ADAM12: variants seen among roughly 807,000 people sequenced by gnomAD.
The protein encoded by ADAM12 is disintegrin and metalloproteinase domain-containing protein 12.
ADAM12 carries 70 observed loss-of-function variants against 106.4 expected under a neutral mutation model. That is an observed-to-expected ratio of 0.66 (90% confidence interval 0.54 to 0.80). The LOEUF (loss-of-function observed/expected upper bound fraction) is 0.80. Among genes scored for constraint, ADAM12 ranks in the 30% least tolerant of loss-of-function variants. The pLI, the probability that ADAM12 is intolerant of heterozygous loss-of-function variation, is 0.00. For synonymous variants in ADAM12, 420 were observed against 433.5 expected (o/e 0.97, Z 0.39); for missense variants, 1,010 against 1,171.9 (o/e 0.86, Z 2.02).
chr10:126,238,015 A>C (rs1212263510), intron 3 of ADAM12, among the ~76,000 whole-genome samples: 4 of 152,244 alleles, frequency 2.6e-5, no homozygotes, highest in Non-Finnish European at 4.4e-5. Flanking sequence ...GGTACGGAAG[A>C]AAACAAAGCA....
intron 21 of ADAM12, among the ~76,000 whole-genome samples, chr10:126,035,302 G>T (rs1954039230): frequency 6.6e-6 from 1 of 152,018 alleles, no homozygotes; most frequent in Non-Finnish European, 1.5e-5. Flanking sequence ...GAATAAAGAG[G>T]TCCCAAGATT....
chr10:126,035,011 T>C (rs987832103), intron 21 of ADAM12, among the ~76,000 whole-genome samples: 1 of 152,086 alleles, frequency 6.6e-6, no homozygotes, highest in African/African-American at 2.4e-5. Context: ...AAGCAAAAAC[T>C]GATGAACTCA....
intron 3 of ADAM12, among the ~76,000 whole-genome samples, chr10:126,199,771 C>T (rs907534888): frequency 6.6e-6 from 1 of 152,160 alleles, no homozygotes; most frequent in Non-Finnish European, 1.5e-5. Context: ...AATAAGGATG[C>T]ATTCTTTTAA....
intron 8 of ADAM12, among the ~76,000 whole-genome samples, chr10:126,101,964 A>G (rs577626801): frequency 3.9e-5 from 6 of 152,256 alleles, no homozygotes; most frequent in South Asian, 2.1e-4. Flanking sequence ...CACCACTGAA[A>G]GCAAGACTTC....
At chr10:126,205,533 G>A (rs959923100) in intron 3 of ADAM12, among the ~76,000 whole-genome samples, 4 of 152,316 alleles carry the variant, frequency 2.6e-5, no homozygotes, top group African/African-American at 9.6e-5. Context: ...CTCAGCCCAT[G>A]CCAGCTCAGG....
intron 3 of ADAM12, among the ~76,000 whole-genome samples, chr10:126,165,245 G>A (rs1011325459): frequency 6.6e-6 from 1 of 152,070 alleles, no homozygotes; most frequent in East Asian, 1.9e-4. Context: ...CCGGCTCACT[G>A]CGACATCTAC....
chr10:126,360,741 C>G (rs1855714259), intron 1 of ADAM12, among the ~76,000 whole-genome samples: 1 of 152,198 alleles, frequency 6.6e-6, no homozygotes, highest in South Asian at 2.1e-4. Flanking sequence ...CAACCTTTGC[C>G]TGTTGCCCAG....
chr10:126,221,451 A>C, intron 3 of ADAM12, among the ~76,000 whole-genome samples: 1 of 152,118 alleles, frequency 6.6e-6, no homozygotes, highest in East Asian at 1.9e-4. Flanking sequence ...GAGGCAAAGT[A>C]CTGTTGACAT....
intron 19 of ADAM12, among the ~76,000 whole-genome samples, chr10:126,039,035 C>CT (rs2133405076): frequency 7.1e-6 from 1 of 141,596 alleles, no homozygotes; most frequent in Non-Finnish European, 1.5e-5. Context: ...TCGCAACTCA[C>CT]TGCAAGCTCC....
intron 11 of ADAM12, among the ~76,000 whole-genome samples, chr10:126,073,404 T>A (rs1955038562): frequency 6.6e-6 from 1 of 152,074 alleles, no homozygotes; most frequent in African/African-American, 2.4e-5. Context: ...TTTTTTTTTT[T>A]AACTTTAATT....
chr10:126,024,572 A>G (rs1953833302), intron 21 of ADAM12, among the ~76,000 whole-genome samples: 1 of 152,156 alleles, frequency 6.6e-6, no homozygotes, highest in Admixed American at 6.5e-5. Flanking sequence ...AACTGTCACA[A>G]AGTCCCAAAA....
intron 3 of ADAM12, among the ~76,000 whole-genome samples, chr10:126,272,629 A>G (rs921866139): frequency 3.0e-4 from 45 of 152,192 alleles, no homozygotes; most frequent in Non-Finnish European, 5.7e-4. Flanking sequence ...ACATTTGTTT[A>G]GTCACTAATT....
intron 4 of ADAM12, among the ~76,000 whole-genome samples, chr10:126,150,343 T>A (rs1222960759): frequency 6.6e-6 from 1 of 152,188 alleles, no homozygotes; most frequent in Admixed American, 6.5e-5. Flanking sequence ...GATCCACAGA[T>A]CTTTACTTTA....
intron 2 of ADAM12, among the ~76,000 whole-genome samples, chr10:126,308,521 A>G (rs553041797): frequency 6.6e-6 from 1 of 152,330 alleles, no homozygotes; most frequent in Admixed American, 6.5e-5. Flanking sequence ...TTTAAGCATC[A>G]CCATAGACAT....
chr10:126,334,822 G>A (rs1375356596), intron 1 of ADAM12, among the ~76,000 whole-genome samples: 1 of 152,150 alleles, frequency 6.6e-6, no homozygotes, highest in African/African-American at 2.4e-5. Context: ...CACAAGAGGT[G>A]GAGACTGATG....
intron 2 of ADAM12, among the ~76,000 whole-genome samples, chr10:126,305,004 A>G (rs1169296333): frequency 6.6e-6 from 1 of 152,090 alleles, no homozygotes; most frequent in Non-Finnish European, 1.5e-5. Context: ...GGATAGAAAC[A>G]ATAGAACACA....
At chr10:126,144,437 T>A (rs192769637) in intron 4 of ADAM12, among the ~76,000 whole-genome samples, 4 of 152,300 alleles carry the variant, frequency 2.6e-5, no homozygotes, top group East Asian at 3.9e-4. Flanking sequence ...ATTTTCCACT[T>A]GCTATTTTCT....
intron 3 of ADAM12, among the ~76,000 whole-genome samples, chr10:126,275,260 A>G (rs187311739): frequency 1.3e-5 from 2 of 152,294 alleles, no homozygotes. Context: ...CAGAATACCT[A>G]TGTAAGGGAT....
At chr10:126,387,242 C>T (rs1856696011) in intron 1 of ADAM12, among the ~76,000 whole-genome samples, 1 of 152,184 alleles carries the variant, frequency 6.6e-6, no homozygotes, top group Non-Finnish European at 1.5e-5. Flanking sequence ...AAGGCACCTG[C>T]TGGGTGAGTC....
Sources: gnomAD v4.1 joint callset for allele counts (sites outside exome capture counted in the v4.1 genomes callset) on GRCh38, gnomAD v4.1.1 for gene constraint, MANE v1.5 for transcripts, NCBI Gene and HGNC (gene_info 2026-07-23, HGNC 2026-07-21) for gene names.